BANK1: variants seen among roughly 807,000 people sequenced by gnomAD.
BANK1 encodes B-cell scaffold protein with ankyrin repeats.
BANK1 carries 95 observed loss-of-function variants against 94.5 expected under a neutral mutation model. The ratio of observed to expected loss-of-function variants is 1.00; its 90% CI spans 0.85 to 1.19. BANK1 has a LOEUF of 1.19. Among genes scored for constraint, BANK1 ranks in the 50% most tolerant of loss-of-function variants. BANK1 has a pLI of 0.00. For synonymous variants in BANK1, 334 were observed against 308.4 expected, an observed-to-expected ratio of 1.08 and a Z score of -0.87; for missense variants, 987 against 932.2, an observed-to-expected ratio of 1.06 and a Z score of -0.77.
chr4:102,003,940 C>T (rs545083041), intron 7 of BANK1, among the ~76,000 whole-genome samples: 17 of 149,386 alleles, frequency 1.1e-4, no homozygotes, highest in Admixed American at 2.7e-4. Context: ...TGTGTATATA[C>T]GTATATATAC....
At chr4:102,007,170 A>ATATATATATATAT (rs1560682419) in intron 7 of BANK1, among the ~76,000 whole-genome samples, 11 of 113,198 alleles carry the variant, frequency 9.7e-5, no homozygotes, top group Non-Finnish European at 1.9e-4. Context: ...ATATATATAT[A>ATATATATATATAT]AAATCCCTAA....
chr4:101,934,104 A>C (rs1723449222), intron 7 of BANK1, among the ~76,000 whole-genome samples: 1 of 151,522 alleles, frequency 6.6e-6, no homozygotes, highest in African/African-American at 2.4e-5. Flanking sequence ...TAAAGCTATT[A>C]AGCACATAGG....
chr4:101,797,642 G>T lies in BANK1; in HGVS notation c.70+6692G>T, dbSNP rs554898030. On this transcript the variant is annotated intron_variant, in intron 1 of 16. Coordinates refer to ENST00000322953, the MANE Select transcript of BANK1 (RefSeq NM_017935.5). ...AAAAATGTGAAGAATGACACCAAGG[G>T]TTGTGGTCTGTAAACCTAAGAGAAT... Among the ~76,000 whole-genome samples, 361 of 152,260 alleles carry T rather than the reference G, an allele frequency of 2.4e-3. 2 individuals are homozygous for T. The highest frequency in any genetic ancestry group is 0.02 in the Middle Eastern group (6 of 294).
chr4:101,924,182 G>C (rs748265084), intron 7 of BANK1, among the ~76,000 whole-genome samples: 1 of 151,616 alleles, frequency 6.6e-6, no homozygotes, highest in Non-Finnish European at 1.5e-5. Context: ...ACTGTCCTTA[G>C]GCTATTCATC....
intron 5 of BANK1, among the ~76,000 whole-genome samples, chr4:101,884,715 T>C (rs1451145422): frequency 6.6e-6 from 1 of 152,178 alleles, no homozygotes; most frequent in Non-Finnish European, 1.5e-5. Flanking sequence ...TCCATACTAA[T>C]ACATATCAAT....
intron 7 of BANK1, among the ~76,000 whole-genome samples, chr4:101,971,314 A>G (rs1298182330): frequency 6.6e-6 from 1 of 152,134 alleles, no homozygotes; most frequent in African/African-American, 2.4e-5. Flanking sequence ...ACAGAAAAAT[A>G]AGTGAGAATC....
intron 5 of BANK1, among the ~76,000 whole-genome samples, chr4:101,885,267 A>G (rs1728811870): frequency 1.3e-5 from 2 of 152,138 alleles, no homozygotes; most frequent in South Asian, 4.1e-4. Flanking sequence ...CTGCTCCAAC[A>G]TTTCAATGGA....
rs767513538 is a variant in BANK1 at position 101,855,034 on chromosome 4, G to C, written c.470-1G>C. 10 of 1,601,878 alleles carry C rather than the reference G, an allele frequency of 6.2e-6. No homozygotes were observed. Among genetic ancestry groups the C allele is most frequent in the Non-Finnish European group, 4.3e-6 (5 of 1,172,270 alleles). ...ATCTACATTCATAAAATTTTCTCTA[G>C]ATTCTGAAGACTACTTTGAGGTCAA... On this transcript the variant is annotated splice_acceptor_variant, in intron 2 of 16. Coordinates refer to ENST00000322953, the MANE Select transcript of BANK1 (RefSeq NM_017935.5). LOFTEE classifies it high-confidence loss of function.
intron 7 of BANK1, among the ~76,000 whole-genome samples, chr4:101,922,254 A>G (rs971412199): frequency 6.6e-6 from 1 of 151,864 alleles, no homozygotes; most frequent in Non-Finnish European, 1.5e-5. Flanking sequence ...TGTTTAGGCT[A>G]GTAAACATTC....
At chr4:101,866,825 C>T (rs1358642160) in intron 4 of BANK1, among the ~76,000 whole-genome samples, 1 of 80,572 alleles carries the variant, frequency 1.2e-5, no homozygotes, top group Non-Finnish European at 2.3e-5. Flanking sequence ...CCATGGAATA[C>T]TATGCAGCCA....
chr4:101,831,985 C>T (rs1320788443), intron 2 of BANK1, among the ~76,000 whole-genome samples: 1 of 152,268 alleles, frequency 6.6e-6, no homozygotes, highest in East Asian at 1.9e-4. Flanking sequence ...ACATTGTTGA[C>T]AGTTTCCTTT....
chr4:101,843,500 A>G (rs1727134783), intron 2 of BANK1, among the ~76,000 whole-genome samples: 1 of 152,140 alleles, frequency 6.6e-6, no homozygotes, highest in Admixed American at 6.5e-5. Context: ...ATTATATTCA[A>G]ATGTTAGGAA....
intron 10 of BANK1, among the ~76,000 whole-genome samples, chr4:102,035,516 C>T (rs1354527220): frequency 2.0e-5 from 3 of 152,060 alleles, no homozygotes; most frequent in East Asian, 3.9e-4. Flanking sequence ...GGCATGGTGG[C>T]GGGTGCCTGT....
intron 7 of BANK1, among the ~76,000 whole-genome samples, chr4:102,013,286 C>A (rs1388524562): frequency 6.6e-6 from 1 of 152,088 alleles, no homozygotes; most frequent in African/African-American, 2.4e-5. Context: ...TTTTTCCCTA[C>A]TCTTGGTGCT....
At chr4:101,985,672 G>T (rs565579900) in intron 7 of BANK1, among the ~76,000 whole-genome samples, 1 of 151,850 alleles carries the variant, frequency 6.6e-6, no homozygotes, top group Non-Finnish European at 1.5e-5. Flanking sequence ...TAAAAATATT[G>T]CATGTTCAAT....
intron 7 of BANK1, among the ~76,000 whole-genome samples, chr4:101,971,115 T>G (rs924647366): frequency 6.6e-6 from 1 of 152,132 alleles, no homozygotes; most frequent in African/African-American, 2.4e-5. Context: ...AACTTAAAGG[T>G]GTTACCTGAT....
intron 7 of BANK1, among the ~76,000 whole-genome samples, chr4:101,945,248 G>A (rs1183252840): frequency 6.6e-6 from 1 of 151,882 alleles, no homozygotes; most frequent in African/African-American, 2.4e-5. Flanking sequence ...GATTTAACTT[G>A]AATTGATACT....
intron 1 of BANK1, among the ~76,000 whole-genome samples, chr4:101,809,002 TACCCAAAGGAAAAGA>T (rs1478664725): frequency 3.9e-5 from 6 of 152,152 alleles, no homozygotes; most frequent in Non-Finnish European, 7.4e-5. Flanking sequence ...ACTGGGTATC[TACCCAAAGGAAAAGA>T]AGTCATTATA....
intron 5 of BANK1, among the ~76,000 whole-genome samples, chr4:101,875,291 A>C (rs1265250618): frequency 1.3e-5 from 2 of 152,134 alleles, no homozygotes; most frequent in Non-Finnish European, 2.9e-5. Flanking sequence ...TATAACAGAA[A>C]ATAAAACAGG....
Sources: gnomAD v4.1 joint callset for allele counts (sites outside exome capture counted in the v4.1 genomes callset) on GRCh38, gnomAD v4.1.1 for gene constraint, MANE v1.5 for transcripts, NCBI Gene and HGNC (gene_info 2026-07-23, HGNC 2026-07-21) for gene names.